Variants in SENP1 observed in about 807,000 individuals in gnomAD.
SENP1 encodes the protein sentrin-specific protease 1.
A neutral mutation model predicts 93.0 loss-of-function variants in SENP1; 21 were observed. That is an observed-to-expected ratio of 0.23 (90% CI 0.16 to 0.33). The LOEUF is 0.33. Among genes scored for constraint, SENP1 ranks in the 10% least tolerant of loss-of-function variants. SENP1 has a pLI of 1.00. For missense variants in SENP1, 591 were observed against 758.7 expected, an observed-to-expected ratio of 0.78 and a Z score of 2.60; for synonymous variants, 256 against 259.6, an observed-to-expected ratio of 0.99 and a Z score of 0.13.
chr12:48,074,817 A>C (rs758535970), intron 6 of SENP1, 24 bp from the exon 7 acceptor site: 15 of 1,423,486 alleles, frequency 1.1e-5, no homozygotes, highest in Middle Eastern at 1.8e-4. Flanking sequence ...AAAAAAAAAA[A>C]CAGTTTAAAC....
At chr12:48,076,371 C>A (rs1944080625) in intron 6 of SENP1, among the ~76,000 whole-genome samples, 1 of 152,096 alleles carries the variant, frequency 6.6e-6, no homozygotes, top group South Asian at 2.1e-4. Context: ...CCAGCCCAGG[C>A]TGGAGTGCAG....
intron 2 of SENP1, 69 bp from the exon 3 acceptor site, chr12:48,098,193 T>G: frequency 6.7e-7 from 1 of 1,485,298 alleles, no homozygotes; most frequent in Non-Finnish European, 9.2e-7. Context: ...TGAACCAATC[T>G]TTTCACCTAA....
chr12:48,063,861 C>A lies in SENP1; in HGVS notation c.1276-20G>T. 1 of 1,600,702 alleles carries A rather than the reference C, an allele frequency of 6.2e-7. No homozygotes were observed. The highest frequency in any genetic ancestry group is 8.5e-7 in the Non-Finnish European group (1 of 1,175,072). On this transcript the variant is annotated intron_variant, in intron 12 of 17. Transcript: ENST00000549518. ...CATTTCCTAAGAAAACAAAAGGTGT[C>A]AAGACATCAAACACGCGTGGCTTCA...
At chr12:48,095,046 C>T (rs1945463009) in intron 4 of SENP1, among the ~76,000 whole-genome samples, 1 of 152,150 alleles carries the variant, frequency 6.6e-6, no homozygotes, top group Non-Finnish European at 1.5e-5. Context: ...TATGCACATA[C>T]TATGGAAGTC....
chr12:48,094,218 A>T (rs1182353508), intron 4 of SENP1, among the ~76,000 whole-genome samples: 1 of 151,852 alleles, frequency 6.6e-6, no homozygotes, highest in Non-Finnish European at 1.5e-5. Flanking sequence ...TCTATAAATA[A>T]TTTTTCAAAA....
In SENP1 at chr12:48,074,724, T is replaced by C. The variant is rs556158073; in HGVS notation, c.622A>G (p.Ile208Val). The C allele has an allele frequency of 8.9e-5, 144 of 1,613,622 alleles. No individual in the cohort carries two copies. In the South Asian group the frequency reaches 1.2e-3, roughly 14 times the overall value. The part of the protein sequence containing the change: ...LQMVTGKQFT[I>V]AKPTTHFPLH... ...GGAAAATGTGTGGTGGGTTTGGCTA[T>C]AGTAAACTGTTTCCCTGTGACCATC... is the stretch of plus-strand genomic sequence containing the variant. The change falls in exon 7 of 18, where the codon ATA (isoleucine) becomes GTA (valine). Residue 208 changes from isoleucine to valine, a missense_variant. Physicochemically the swap from Ile to Val is conservative, Grantham distance 29. Coordinates refer to ENST00000549518, the MANE Select transcript of SENP1 (RefSeq NM_001267594.2).
chr12:48,051,610 A>G (rs1269003808), intron 13 of SENP1, among the ~76,000 whole-genome samples: 2 of 152,226 alleles, frequency 1.3e-5, no homozygotes, highest in African/African-American at 2.4e-5. Flanking sequence ...CAAAAAAATG[A>G]GCTAAGAGAG....
chr12:48,089,170 T>C (rs776347193), intron 4 of SENP1: 1 of 1,543,190 alleles, frequency 6.5e-7, no homozygotes. Flanking sequence ...AACCTGAAAA[T>C]TGATGAAGGA....
Position 48,055,973 on chromosome 12 carries a change from A to T in SENP1, c.1408-6841T>A, listed in dbSNP as rs1183327724. ...TAATATATGTAATATATCAATATAT[A>T]ATTTAATACATGATATATATTATTT... On this transcript the variant is annotated intron_variant, in intron 13 of 17. Transcript: ENST00000549518. Among the ~76,000 whole-genome samples the T allele has an allele frequency of 4.5e-5, 6 of 133,866 alleles. No homozygotes were observed. In the South Asian group the frequency reaches 1.3e-3, roughly 29 times the overall value. The allele number at this position is 133,866 out of a possible 152,430, so 87.8% of individuals were successfully genotyped here.
chr12:48,053,750 G>C (rs1414218241), intron 13 of SENP1, among the ~76,000 whole-genome samples: 1 of 152,136 alleles, frequency 6.6e-6, no homozygotes, highest in African/African-American at 2.4e-5. Context: ...TGTAATTACA[G>C]TCTGCTATGT....
At chr12:48,049,306 T>C (rs1486607411) in intron 13 of SENP1, among the ~76,000 whole-genome samples, 174 bp from the exon 14 acceptor site, 2 of 152,196 alleles carry the variant, frequency 1.3e-5, no homozygotes, top group African/African-American at 2.4e-5. Context: ...GGGGGAAGGC[T>C]GAAGTGCTAT....
intron 13 of SENP1, among the ~76,000 whole-genome samples, chr12:48,057,445 G>T (rs1023694964): frequency 6.7e-6 from 1 of 148,374 alleles, no homozygotes; most frequent in African/African-American, 2.5e-5. Flanking sequence ...GGTCAGGCCG[G>T]TCTCAAGTTC....
At chr12:48,048,724 A>G (rs1047832425) in intron 14 of SENP1, among the ~76,000 whole-genome samples, 1 of 152,130 alleles carries the variant, frequency 6.6e-6, no homozygotes. Context: ...ATATTTCTAG[A>G]AAGGGAAATT....
At chr12:48,102,991 CT>C (rs1451035261) in intron 1 of SENP1, among the ~76,000 whole-genome samples, 1 of 152,094 alleles carries the variant, frequency 6.6e-6, no homozygotes, top group Non-Finnish European at 1.5e-5. Flanking sequence ...TCAGGTTATT[CT>C]TTCCCCTTCT....
chr12:48,055,539 G>T (rs1385235829), intron 13 of SENP1: 1 of 151,926 alleles, frequency 6.6e-6, no homozygotes, highest in Non-Finnish European at 1.5e-5. Flanking sequence ...GAAATTTGCT[G>T]GCCTCCCCAA....
chr12:48,068,970 T>C (rs1208300391), intron 9 of SENP1, among the ~76,000 whole-genome samples: 2 of 151,654 alleles, frequency 1.3e-5, no homozygotes, highest in Admixed American at 6.6e-5. Context: ...TTGGCCAACA[T>C]GGTGAAACCC....
intron 5 of SENP1, among the ~76,000 whole-genome samples, chr12:48,086,716 T>A (rs949086586): frequency 6.6e-6 from 1 of 151,926 alleles, no homozygotes; most frequent in East Asian, 1.9e-4. Context: ...AAGTAGAACA[T>A]TATACAGAAA....
chr12:48,105,794 A>C, intron 1 of SENP1: 1 of 585,334 alleles, frequency 1.7e-6, no homozygotes, highest in Admixed American at 3.0e-5. Flanking sequence ...GAGAGAGACC[A>C]GAAGGAACGG....
At chr12:48,095,465 G>A (rs1249362559) in intron 4 of SENP1, among the ~76,000 whole-genome samples, 2 of 150,092 alleles carry the variant, frequency 1.3e-5, no homozygotes, top group East Asian at 4.0e-4. Flanking sequence ...GAACCTAGGA[G>A]GCAGAGGTTG....
Sources: gnomAD v4.1 joint callset for allele counts (sites outside exome capture counted in the v4.1 genomes callset) on GRCh38, gnomAD v4.1.1 for gene constraint, MANE v1.5 for transcripts, NCBI Gene and HGNC (gene_info 2026-07-23, HGNC 2026-07-21) for gene names.